The following SNAP25 variants were observed in gnomAD, a reference collection of about 807,000 sequenced individuals.
SNAP25 encodes synaptosome associated protein 25, also known as synaptosomal-associated protein 25.
SNAP25 carries 3 observed loss-of-function variants against 28.7 expected under a neutral mutation model. The observed-to-expected ratio is 0.10, with a 90% CI of 0.05 to 0.27. The LOEUF (loss-of-function observed/expected upper bound fraction) is 0.27. SNAP25 is among the 10% of genes least tolerant of loss of function. SNAP25 has a pLI of 1.00. For missense variants in SNAP25, 117 were observed against 278.7 expected, an observed-to-expected ratio of 0.42 and a Z score of 4.13; for synonymous variants, 61 against 88.1, an observed-to-expected ratio of 0.69 and a Z score of 1.72.
chr20:10,285,101 C>T (rs2063850577), intron 4 of SNAP25, among the ~76,000 whole-genome samples: 1 of 152,166 alleles, frequency 6.6e-6, no homozygotes, highest in South Asian at 2.1e-4. Flanking sequence ...ATCTTTGCCC[C>T]TAAACTTTCC....
chr20:10,268,033 C>T (rs796677257), intron 1 of SNAP25, among the ~76,000 whole-genome samples: 2 of 152,058 alleles, frequency 1.3e-5, no homozygotes, highest in African/African-American at 4.8e-5. Flanking sequence ...GTATGCACAG[C>T]GTGTGTCACT....
intron 7 of SNAP25, among the ~76,000 whole-genome samples, chr20:10,300,380 T>C (rs2064206554): frequency 6.6e-6 from 1 of 152,158 alleles, no homozygotes; most frequent in African/African-American, 2.4e-5. Context: ...TATGTCCAAA[T>C]GCTAAAAAGG....
Position 10,293,502 on chromosome 20 carries a change from A to G in SNAP25, c.281+224A>G, listed in dbSNP as rs1322604337. ...CTACAGTGAAAGCTTCACTGTCAGC[A>G]ACTTTTATTGATGAACGTTTCAACA... On this transcript the variant is annotated intron_variant, in intron 5 of 7. Coordinates refer to ENST00000254976, the MANE Select transcript of SNAP25 (RefSeq NM_130811.4). This position sits in a 1 kb window ranked among gnomAD's most constrained non-coding sequence, Gnocchi z 5.6. Among the ~76,000 whole-genome samples the G allele has an allele frequency of 6.6e-6, 1 of 152,214 alleles. No homozygotes were observed. Among genetic ancestry groups the G allele is most frequent in the East Asian group, 1.9e-4 (1 of 5,200 alleles).
rs766767867 is a variant in SNAP25 at position 10,261,558 on chromosome 20, G to A, written c.-63-13871G>A. 2.0e-5 allele frequency among the ~76,000 whole-genome samples: 3 copies of A among 152,154 alleles called. 1 individual carries two copies. The highest frequency in any genetic ancestry group is 4.4e-5 in the Non-Finnish European group (3 of 68,026). On this transcript the variant is annotated intron_variant, in intron 1 of 7. Coordinates refer to ENST00000254976, the MANE Select transcript of SNAP25 (RefSeq NM_130811.4). ...GTGGCTGGTGAAATGAGCTTAGGAG[G>A]ATGATAGATGAAATTTGCAATATAC... is the stretch of plus-strand genomic sequence containing the variant.
intron 3 of SNAP25, among the ~76,000 whole-genome samples, chr20:10,278,363 T>G (rs183793804): frequency 6.6e-6 from 1 of 152,190 alleles, no homozygotes; most frequent in East Asian, 1.9e-4. Flanking sequence ...TTTAAATGGG[T>G]AAAATGGGGC....
intron 1 of SNAP25, among the ~76,000 whole-genome samples, chr20:10,250,035 A>C (rs2063198175): frequency 6.6e-6 from 1 of 152,166 alleles, no homozygotes; most frequent in African/African-American, 2.4e-5. Flanking sequence ...AAGTTCCTGC[A>C]TATGCTGCTG....
intron 1 of SNAP25, among the ~76,000 whole-genome samples, chr20:10,262,063 C>T (rs1235752347): frequency 1.3e-5 from 2 of 152,100 alleles, no homozygotes; most frequent in Non-Finnish European, 1.5e-5. Flanking sequence ...GCCTTCTATA[C>T]CAAGGCCAGC....
chr20:10,299,038 A>G (rs1332176177), intron 6 of SNAP25, among the ~76,000 whole-genome samples: 1 of 152,214 alleles, frequency 6.6e-6, no homozygotes, highest in Admixed American at 6.5e-5. Flanking sequence ...TAGATAAATT[A>G]ATCTATTTAA....
At chr20:10,252,029 T>A (rs1318186321) in intron 1 of SNAP25, among the ~76,000 whole-genome samples, 1 of 152,174 alleles carries the variant, frequency 6.6e-6, no homozygotes, top group Non-Finnish European at 1.5e-5. Flanking sequence ...TGCCACGACC[T>A]TCTAGAACCA....
At chr20:10,283,288 T>C (rs1382874020) in intron 3 of SNAP25, among the ~76,000 whole-genome samples, 2 of 152,252 alleles carry the variant, frequency 1.3e-5, no homozygotes, top group Non-Finnish European at 2.9e-5. Flanking sequence ...ACTGTTGTCA[T>C]TGCTGTCTTA....
chr20:10,302,960 C>G (rs2064274894), intron 7 of SNAP25, among the ~76,000 whole-genome samples: 1 of 152,108 alleles, frequency 6.6e-6, no homozygotes, highest in Non-Finnish European at 1.5e-5. Context: ...TAAGGATATA[C>G]AGAGTAACCT....
At chr20:10,270,378 C>T (rs956596806) in intron 1 of SNAP25, among the ~76,000 whole-genome samples, 9 of 152,132 alleles carry the variant, frequency 5.9e-5, no homozygotes, top group Admixed American at 5.2e-4. Context: ...GAACCAGCAG[C>T]TTCAGCATCA....
chr20:10,279,777 C>A (rs1470651632), intron 3 of SNAP25, among the ~76,000 whole-genome samples: 1 of 152,222 alleles, frequency 6.6e-6, no homozygotes, highest in Non-Finnish European at 1.5e-5. Context: ...GAGATGGAAG[C>A]TATCTCCTGC....
At position 10,297,073 on chromosome 20, in the gene SNAP25, T is replaced by A. The variant is rs201040728; in HGVS notation, c.407+23T>A. ...CAGGTGAGCCTCATGCAGCATACAC[T>A]GTAGCAGTTCTCTATTGTCAAGTAC... On this transcript the variant is annotated intron_variant, in intron 6 of 7. Transcript: ENST00000254976. 3.4e-5 allele frequency: 52 copies of A among 1,540,346 alleles called. No homozygotes were observed. In the African/African-American group the frequency reaches 6.6e-4, roughly 20 times the overall value.
intron 2 of SNAP25, 57 bp from the exon 3 acceptor site, chr20:10,277,628 A>G: frequency 2.1e-6 from 3 of 1,450,606 alleles, no homozygotes; most frequent in Non-Finnish European, 2.9e-6. Context: ...CTGATTTTCC[A>G]AGATCTCTGG....
chr20:10,234,223 A>C (rs1178307864), intron 1 of SNAP25, among the ~76,000 whole-genome samples: 2 of 152,108 alleles, frequency 1.3e-5, no homozygotes, highest in African/African-American at 4.8e-5. Context: ...CTGGAAAGGA[A>C]GATGATACAG....
chr20:10,243,346 A>G (rs1399665311), intron 1 of SNAP25, among the ~76,000 whole-genome samples: 4 of 152,198 alleles, frequency 2.6e-5, no homozygotes, highest in African/African-American at 9.7e-5. Context: ...CAACCAAGAA[A>G]CCAACATGAG....
At chr20:10,288,177 AT>A (rs1381137244) in intron 4 of SNAP25, among the ~76,000 whole-genome samples, 3 of 151,982 alleles carry the variant, frequency 2.0e-5, no homozygotes, top group African/African-American at 7.2e-5. Context: ...AAATAAAAAA[AT>A]TTAAAAAATA....
chr20:10,238,934 A>G lies in SNAP25; in HGVS notation c.-64+19957A>G, dbSNP rs772120183. ...AATAATAATAATAATAATAATATCA[A>G]TAAAGCATCAATGCTGGCACCATCT... is the stretch of plus-strand genomic sequence containing the variant. On this transcript the variant is annotated intron_variant, in intron 1 of 7. Transcript: ENST00000254976. Among the ~76,000 whole-genome samples, 41 of 152,098 alleles carry G rather than the reference A, an allele frequency of 2.7e-4. No individual in the cohort carries two copies. The South Asian group carries it at 2.7e-3, about 10-fold the overall frequency.
Sources: gnomAD v4.1 joint callset for allele counts (sites outside exome capture counted in the v4.1 genomes callset) on GRCh38, gnomAD v4.1.1 for gene constraint, Gnocchi (gnomAD v3.1) non-coding constraint, MANE v1.5 for transcripts, NCBI Gene and HGNC (gene_info 2026-07-23, HGNC 2026-07-21) for gene names.